DNAAF1: variants seen among roughly 807,000 people sequenced by gnomAD.
The protein encoded by DNAAF1 is dynein assembly factor 1, axonemal.
Under a neutral mutation model 71.1 loss-of-function variants are expected in DNAAF1, and 65 were observed. The observed-to-expected ratio is 0.91, with a 90% CI of 0.75 to 1.12. The LOEUF (loss-of-function observed/expected upper bound fraction) is 1.12, where lower values mean the gene tolerates loss of function less well. Among genes scored for constraint, DNAAF1 ranks in the 50% most tolerant of loss-of-function variants. DNAAF1 has a pLI of 0.00. For synonymous variants in DNAAF1, 414 were observed against 354.6 expected (o/e 1.17, Z -1.88); for missense variants, 1,178 against 899.8 (o/e 1.31, Z -3.96).
chr16:84,148,596 C>CTCTTTTT, intron 1 of DNAAF1, among the ~76,000 whole-genome samples: 4 of 43,578 alleles, frequency 9.2e-5, no homozygotes, highest in African/African-American at 2.8e-4. Flanking sequence ...CTCTCTCTCT[C>CTCTTTTT]TTTTTTTTTT....
Position 84,177,754 on chromosome 16 carries a change from C to A in DNAAF1, c.2091C>A (p.Pro697=), listed in dbSNP as rs2088814094. The A allele has an allele frequency of 6.2e-7, 1 of 1,614,040 alleles. No homozygotes were observed. The highest frequency in any genetic ancestry group is 8.5e-7 in the Non-Finnish European group (1 of 1,179,984). The change falls in exon 12 of 12, where the codon CCC becomes CCA. Residue 697 remains proline (P), a synonymous_variant. Coordinates refer to ENST00000378553, the MANE Select transcript of DNAAF1 (RefSeq NM_178452.6). ...SPVPTESAAT[P]PETCVGVAQP... ...TGCCGACTGAGAGCGCCGCCACACCCCCAGAGACGTGTGTCGGAGTTGCCC... is the reference window on the plus strand; with the variant it reads ...TGCCGACTGAGAGCGCCGCCACACCACCAGAGACGTGTGTCGGAGTTGCCC...
chr16:84,176,254 T>C lies in DNAAF1; in HGVS notation c.2020T>C (p.Ser674Pro). ...CCAAAGAGATGCTGCACCACTCACTTCCAGTGGAGACAGGGACAGCGACTT... is the reference window on the plus strand; with the variant it reads ...CCAAAGAGATGCTGCACCACTCACTCCCAGTGGAGACAGGGACAGCGACTT... The part of the protein sequence containing the change: ...TCQRDAAPLT[S>P]SGDRDSDFLA... Residue 674 changes from serine (S) to proline (P), a missense_variant, in exon 11 of 12, where the codon TCC becomes CCC. Ser to Pro is a moderately conservative substitution (Grantham distance 74, BLOSUM62 -1). Transcript: ENST00000378553. The C allele has an allele frequency of 6.2e-7, 1 of 1,613,590 alleles. No homozygotes were observed.
At chr16:84,160,729 T>C (rs995992808) in intron 6 of DNAAF1, among the ~76,000 whole-genome samples, 3 of 150,592 alleles carry the variant, frequency 2.0e-5, no homozygotes, top group African/African-American at 7.3e-5. Context: ...GGTCAGGAGA[T>C]CGAGACCACC....
chr16:84,169,324 G>C (rs959847701), intron 7 of DNAAF1, among the ~76,000 whole-genome samples: 2 of 151,582 alleles, frequency 1.3e-5, no homozygotes, highest in East Asian at 1.9e-4. Flanking sequence ...GATGTCAAAT[G>C]ATCCACCTGC....
At chr16:84,177,408 T>TG in intron 11 of DNAAF1, 1 of 367,008 alleles carries the variant, frequency 2.7e-6, no homozygotes. Flanking sequence ...CTGAAGTAGC[T>TG]GGGATTACAG....
intron 9 of DNAAF1, 189 bp from the exon 10 acceptor site, chr16:84,174,480 A>G: frequency 6.8e-7 from 1 of 1,471,730 alleles, no homozygotes; most frequent in Non-Finnish European, 9.0e-7. Context: ...CAGACACCTG[A>G]GGTGGCAACG....
rs1364621370 is a variant in DNAAF1, at chr16:84,149,109, A to G, written c.227A>G (p.His76Arg). Residue 76 changes from histidine to arginine, a missense_variant, in exon 2 of 12, where the codon CAC becomes CGC. Physicochemically the swap from His to Arg is conservative, Grantham distance 29. Transcript: ENST00000378553. ...AATGGGTCAGGTGGTCACTTCGCAC[A>G]CCCAAGAGAAGACAGGGAAGATCGG... is the stretch of plus-strand genomic sequence containing the variant. ...GDNGSGGHFA[H>R]PREDREDRGP... 1 of 1,614,140 alleles carries G rather than the reference A, an allele frequency of 6.2e-7. No homozygotes were observed. The highest frequency in any genetic ancestry group is 8.5e-7 in the Non-Finnish European group (1 of 1,180,042).
chr16:84,162,464 G>C (rs183275193), intron 6 of DNAAF1, among the ~76,000 whole-genome samples: 1 of 151,814 alleles, frequency 6.6e-6, no homozygotes, highest in South Asian at 2.1e-4. Flanking sequence ...ATGGCTTTGA[G>C]TATATTCACA....
chr16:84,159,972 G>T (rs1359355287), intron 6 of DNAAF1, among the ~76,000 whole-genome samples, 176 bp downstream of exon 6: 3 of 133,970 alleles, frequency 2.2e-5, no homozygotes, highest in South Asian at 4.3e-4. Flanking sequence ...CTTATTCATA[G>T]ATTTTTTTAT....
At chr16:84,161,848 A>G (rs1302214743) in intron 6 of DNAAF1, among the ~76,000 whole-genome samples, 1 of 151,966 alleles carries the variant, frequency 6.6e-6, no homozygotes, top group Non-Finnish European at 1.5e-5. Flanking sequence ...ATTTCCTTTT[A>G]GGACACATGA....
intron 7 of DNAAF1, 107 bp from the exon 8 acceptor site, chr16:84,169,752 A>T: frequency 6.6e-7 from 1 of 1,512,602 alleles, no homozygotes. Flanking sequence ...TGTGTTCCTG[A>T]CCTTTTCCCT....
At chr16:84,159,888 ATTTC>A in intron 6 of DNAAF1, 92 bp downstream of exon 6, 1 of 1,467,736 alleles carries the variant, frequency 6.8e-7, no homozygotes, top group Non-Finnish European at 9.4e-7. Flanking sequence ...TTCTTGAGAA[ATTTC>A]ACATATCAAA....
intron 9 of DNAAF1, chr16:84,172,698 A>T: frequency 8.3e-7 from 1 of 1,210,590 alleles, no homozygotes; most frequent in Non-Finnish European, 1.0e-6. Context: ...TATCTTGCTA[A>T]GTGGTTCTGA....
intron 6 of DNAAF1, among the ~76,000 whole-genome samples, chr16:84,162,439 A>G (rs2087758889): frequency 6.6e-6 from 1 of 152,118 alleles, no homozygotes; most frequent in Non-Finnish European, 1.5e-5. Flanking sequence ...AATAAAAAAC[A>G]AAGTGTACAA....
chr16:84,148,871 T>C, intron 1 of DNAAF1, 136 bp from the exon 2 acceptor site: 1 of 1,026,540 alleles, frequency 9.7e-7, no homozygotes, highest in Non-Finnish European at 1.5e-6. Flanking sequence ...ATTACAGGCC[T>C]GAGCCACCAT....
At chr16:84,167,116 CCT>C (rs1453692382) in intron 7 of DNAAF1, among the ~76,000 whole-genome samples, 1 of 152,130 alleles carries the variant, frequency 6.6e-6, no homozygotes, top group African/African-American at 2.4e-5. Flanking sequence ...TTCCCATGAC[CCT>C]CTCTTTGGGT....
At chr16:84,170,569 T>C (rs566285421) in intron 8 of DNAAF1, among the ~76,000 whole-genome samples, 2 of 152,296 alleles carry the variant, frequency 1.3e-5, no homozygotes, top group South Asian at 4.1e-4. Flanking sequence ...AATAGCTCTA[T>C]TTAAAAAAGC....
At chr16:84,151,392 G>C (rs891806331) in intron 3 of DNAAF1, among the ~76,000 whole-genome samples, 12 of 152,088 alleles carry the variant, frequency 7.9e-5, no homozygotes, top group African/African-American at 2.7e-4. Flanking sequence ...CGACTCCTAT[G>C]GGTCTCCTCA....
At chr16:84,168,553 C>T (rs2088145104) in intron 7 of DNAAF1, among the ~76,000 whole-genome samples, 3 of 152,144 alleles carry the variant, frequency 2.0e-5, no homozygotes, top group African/African-American at 4.8e-5. Context: ...GCTGGGATTA[C>T]AGACGTGAGC....
Sources: gnomAD v4.1 joint callset for allele counts (sites outside exome capture counted in the v4.1 genomes callset) on GRCh38, gnomAD v4.1.1 for gene constraint, MANE v1.5 for transcripts, NCBI Gene and HGNC (gene_info 2026-07-23, HGNC 2026-07-21) for gene names.